Variants in GLIS3 observed in about 807,000 individuals in gnomAD.
GLIS3 encodes zinc finger protein GLIS3.
Under a neutral mutation model 78.6 loss-of-function variants are expected in GLIS3, and 53 were observed. The ratio of observed to expected loss-of-function variants is 0.67; its 90% CI spans 0.54 to 0.85. The LOEUF (loss-of-function observed/expected upper bound fraction) is 0.85. Ranked by LOEUF, GLIS3 falls within the 40% of genes least tolerant of loss-of-function variation. GLIS3 has a pLI of 0.00. For missense variants in GLIS3, 1,703 were observed against 1,231.1 expected (o/e 1.38, Z -5.74); for synonymous variants, 684 against 509.9 (o/e 1.34, Z -4.60).
the GLIS3 span, among the ~76,000 whole-genome samples, chr9:4,358,979 C>A: frequency 6.6e-6 from 1 of 152,194 alleles, no homozygotes; most frequent in Non-Finnish European, 1.5e-5. Flanking sequence ...ACACTCCTCA[C>A]TAGTCCCATC....
intron 8 of GLIS3, among the ~76,000 whole-genome samples, chr9:3,870,624 C>T (rs1471720385): frequency 6.6e-6 from 1 of 152,140 alleles, no homozygotes; most frequent in African/African-American, 2.4e-5. Context: ...AGCAGAACCC[C>T]CTGATAAAAC....
At position 4,311,700 on chromosome 9, in the gene GLIS3, G is replaced by A. The variant is rs1413261542; in HGVS notation, n.265-1172C>T. Reference sequence around the variant, plus strand: ...GCCTTATCACCGCCCTCCTCTTTTAGAGCCACCTCCCCTGCCTTCTATAAA... The same window carrying A: ...GCCTTATCACCGCCCTCCTCTTTTAAAGCCACCTCCCCTGCCTTCTATAAA... On this transcript the variant is annotated intron_variant and non_coding_transcript_variant, in intron 2 of 4. Coordinates refer to the GLIS3 transcript ENST00000471664. Among the ~76,000 whole-genome samples, 3 of 152,174 alleles carry A rather than the reference G, an allele frequency of 2.0e-5. No individual in the cohort carries two copies. In the East Asian group the frequency reaches 5.8e-4, roughly 29 times the overall value.
At chr9:4,153,440 T>C (rs1303237400) in intron 2 of GLIS3, among the ~76,000 whole-genome samples, 1 of 152,116 alleles carries the variant, frequency 6.6e-6, no homozygotes, top group South Asian at 2.1e-4. Context: ...TGTGCACTCC[T>C]GTAATACCAG....
chr9:3,898,946 A>G (rs757250015), intron 6 of GLIS3, 111 bp from the exon 7 acceptor site: 361 of 1,362,724 alleles, frequency 2.6e-4, no homozygotes, highest in Non-Finnish European at 3.5e-4. Flanking sequence ...AAATTTATCA[A>G]GCAGCAACTA....
At chr9:4,218,867 A>G (rs927073564) in intron 2 of GLIS3, among the ~76,000 whole-genome samples, 3 of 152,046 alleles carry the variant, frequency 2.0e-5, no homozygotes, top group Admixed American at 6.6e-5. Flanking sequence ...ACAGCTCCCA[A>G]CTCTAAACAC....
At chr9:4,025,289 T>A (rs1823237345) in intron 4 of GLIS3, among the ~76,000 whole-genome samples, 1 of 151,798 alleles carries the variant, frequency 6.6e-6, no homozygotes, top group African/African-American at 2.4e-5. Flanking sequence ...CAAATAAACA[T>A]GTGCTGAAAT....
chr9:4,118,106 G>A lies in GLIS3; in HGVS notation c.1372C>T (p.Pro458Ser), dbSNP rs1831838696. 3.2e-6 allele frequency: 5 copies of A among 1,552,942 alleles called. No individual in the cohort carries two copies. Among genetic ancestry groups the A allele is most frequent in the Non-Finnish European group, 4.4e-6 (5 of 1,148,542 alleles). ...GCATGGGCATGGTAAGGGGGTGGGG[G>A]GCCTGGGGGCGGCGGCAGAGGAGGG... is the stretch of plus-strand genomic sequence containing the variant. ...PLPPLPPPPG[P>S]PPPYHAHAHL... The change falls in exon 4 of 11, where the codon CCC (proline) becomes TCC (serine). Residue 458 changes from proline (P) to serine (S), a missense_variant. Pro to Ser is a moderately conservative substitution (Grantham distance 74). Coordinates refer to ENST00000381971, the MANE Select transcript of GLIS3 (RefSeq NM_001042413.2). This position sits in a 1 kb window ranked among gnomAD's most constrained non-coding sequence, Gnocchi z 4.7.
the GLIS3 span, among the ~76,000 whole-genome samples, chr9:4,464,938 T>A: frequency 1.3e-5 from 2 of 152,200 alleles, no homozygotes. Flanking sequence ...CACAAACCTG[T>A]CACTGGTAGC....
At chr9:4,469,375 C>T in the GLIS3 span, among the ~76,000 whole-genome samples, 1 of 152,124 alleles carries the variant, frequency 6.6e-6, no homozygotes, top group Admixed American at 6.6e-5. Context: ...AAACTGACCA[C>T]ATAGTTGGAA....
At chr9:4,077,695 G>C (rs1052476603) in intron 4 of GLIS3, among the ~76,000 whole-genome samples, 1 of 150,662 alleles carries the variant, frequency 6.6e-6, no homozygotes. Flanking sequence ...CAGGGGGCGC[G>C]GGGGGGTAAG....
At chr9:4,215,139 A>C (rs1289256706) in intron 2 of GLIS3, among the ~76,000 whole-genome samples, 1 of 152,162 alleles carries the variant, frequency 6.6e-6, no homozygotes, top group Non-Finnish European at 1.5e-5. Context: ...GTAAGGACAA[A>C]ACTCTAAGAC....
At chr9:3,998,687 C>A (rs985202729) in intron 4 of GLIS3, among the ~76,000 whole-genome samples, 3 of 150,846 alleles carry the variant, frequency 2.0e-5, no homozygotes, top group African/African-American at 7.3e-5. Flanking sequence ...AGTTAGAATT[C>A]TTTTCTTTCT....
chr9:4,045,720 G>C (rs143088532), intron 4 of GLIS3, among the ~76,000 whole-genome samples: 1 of 152,196 alleles, frequency 6.6e-6, no homozygotes, highest in East Asian at 1.9e-4. Context: ...GAAAGAATCA[G>C]ACAAGAGGCT....
At chr9:4,458,730 A>G in the GLIS3 span, among the ~76,000 whole-genome samples, 87,259 of 152,016 alleles carry the variant, frequency 0.57, 25,471 homozygotes, top group South Asian at 0.72. Context: ...CCCGGGAGGC[A>G]GAGGTTGTGG....
At chr9:4,310,516 T>G (rs1349445679) in exon 3 of GLIS3, 1 of 152,224 alleles carries the variant, frequency 6.6e-6, no homozygotes, top group East Asian at 1.9e-4. Flanking sequence ...TTTTTTGAAT[T>G]TCATTTGCAA....
intron 4 of GLIS3, among the ~76,000 whole-genome samples, chr9:3,967,569 T>C (rs1407296181): frequency 6.6e-6 from 1 of 152,104 alleles, no homozygotes; most frequent in East Asian, 1.9e-4. Context: ...TACCAGCATA[T>C]TTACTGCTTA....
Position 4,249,181 on chromosome 9 carries a change from G to A in GLIS3, c.388+36857C>T, listed in dbSNP as rs186227633. 2.7e-4 allele frequency among the ~76,000 whole-genome samples: 41 copies of A among 152,166 alleles called. No individual in the cohort carries two copies. In the East Asian group the frequency reaches 7.1e-3, roughly 26 times the overall value. ...TTCTGTAAAGAAAATAGCTTGATGGGGATAGCATTGAATCTGTAAATTACT... is the reference window on the plus strand; with the variant it reads ...TTCTGTAAAGAAAATAGCTTGATGGAGATAGCATTGAATCTGTAAATTACT... On this transcript the variant is annotated intron_variant, in intron 2 of 10. Transcript: ENST00000381971.
At chr9:3,840,659 G>A (rs1276280380) in intron 9 of GLIS3, among the ~76,000 whole-genome samples, 1 of 152,200 alleles carries the variant, frequency 6.6e-6, no homozygotes, top group Non-Finnish European at 1.5e-5. Context: ...CCATGACAGT[G>A]GTTCAAAAGT....
At chr9:4,406,263 C>T in the GLIS3 span, among the ~76,000 whole-genome samples, 2 of 152,220 alleles carry the variant, frequency 1.3e-5, no homozygotes, top group African/African-American at 4.8e-5. Context: ...GGCATCCCAA[C>T]TGGAAAGGAA....
Sources: allele counts gnomAD v4.1 joint callset (sites outside exome capture counted in the v4.1 genomes callset), GRCh38; gene constraint gnomAD v4.1.1; non-coding constraint Gnocchi (gnomAD v3.1); transcripts MANE v1.5; gene names NCBI Gene and HGNC (gene_info 2026-07-23, HGNC 2026-07-21).